CD200R1: variants seen among roughly 807,000 people sequenced by gnomAD.
The protein encoded by CD200R1 is CD200 receptor 1.
Under a neutral mutation model 38.1 loss-of-function variants are expected in CD200R1, and 30 were observed. The observed-to-expected ratio is 0.79, with a 90% CI of 0.59 to 1.07. The LOEUF (loss-of-function observed/expected upper bound fraction) is 1.07. Among genes scored for constraint, CD200R1 ranks in the 50% least tolerant of loss-of-function variants. The pLI is 0.00. For missense variants in CD200R1, 372 were observed against 415.4 expected (o/e 0.90, Z 0.91); for synonymous variants, 128 against 152.1 (o/e 0.84, Z 1.16).
At chr3:112,939,244 T>C (rs1331755575) in intron 2 of CD200R1, among the ~76,000 whole-genome samples, 1 of 152,018 alleles carries the variant, frequency 6.6e-6, no homozygotes, top group Non-Finnish European at 1.5e-5. Context: ...TCACCCTTGT[T>C]ATTCAAGATA....
rs546780973 is a variant in CD200R1, at chr3:112,955,861, A to C, written c.68-7937T>G. 2.3e-4 allele frequency among the ~76,000 whole-genome samples: 35 copies of C among 151,764 alleles called. 1 individual carries two copies. In the South Asian group the frequency reaches 5.6e-3, roughly 24 times the overall value. On this transcript the variant is annotated intron_variant, in intron 1 of 7. Transcript: ENST00000308611. ...CTGGCCCATAAGGTTTCGGCTGAGAAGTCCACTTCTAGGTACATTTGAGCC... is the reference window on the plus strand; with the variant it reads ...CTGGCCCATAAGGTTTCGGCTGAGACGTCCACTTCTAGGTACATTTGAGCC...
chr3:112,969,976 A>G (rs1365230411), intron 1 of CD200R1, among the ~76,000 whole-genome samples: 2 of 152,106 alleles, frequency 1.3e-5, no homozygotes, highest in Non-Finnish European at 2.9e-5. Flanking sequence ...GTTCAAGACC[A>G]GCCTGGGCAA....
At chr3:112,940,414 T>G (rs915283769) in intron 2 of CD200R1, among the ~76,000 whole-genome samples, 4 of 151,832 alleles carry the variant, frequency 2.6e-5, no homozygotes, top group Non-Finnish European at 5.9e-5. Context: ...AAAATATTCA[T>G]CCAACAAAAG....
intron 2 of CD200R1, among the ~76,000 whole-genome samples, chr3:112,934,530 T>C (rs1306664668): frequency 6.6e-6 from 1 of 152,010 alleles, no homozygotes; most frequent in Non-Finnish European, 1.5e-5. Flanking sequence ...GCCAAGTGGA[T>C]TTAAAAATAT....
chr3:112,941,745 C>A (rs1017759465), intron 2 of CD200R1, among the ~76,000 whole-genome samples: 4 of 151,272 alleles, frequency 2.6e-5, no homozygotes, highest in Non-Finnish European at 4.4e-5. Context: ...GAACGCCAAG[C>A]AGAATAAATG....
At chr3:112,948,165 C>G (rs915389340) in intron 1 of CD200R1, among the ~76,000 whole-genome samples, 4 of 152,112 alleles carry the variant, frequency 2.6e-5, no homozygotes, top group African/African-American at 9.7e-5. Flanking sequence ...CCCATCACCC[C>G]CCTCTTGCTT....
Position 112,921,395 on chromosome 3 carries a change from T to C in CD200R1, c.*2282A>G, listed in dbSNP as rs950613896. 2.0e-5 allele frequency: 3 copies of C among 151,988 alleles called. No individual in the cohort carries two copies. The highest frequency in any genetic ancestry group is 2.1e-4 in the South Asian group (1 of 4,832). 9.4% of individuals were successfully genotyped at this position (151,988 alleles called of 1,614,324 possible). The stretch of plus-strand genomic sequence containing the variant: ...GTTTGTAAGTGAAGCATAACCCCAA[T>C]AGATATTTAGTTATGATGAATTACT... On this transcript the variant is annotated 3_prime_UTR_variant, in exon 8 of 8. Transcript: ENST00000308611.
At chr3:112,939,894 G>A (rs114489260) in intron 2 of CD200R1, among the ~76,000 whole-genome samples, 3,361 of 144,142 alleles carry the variant, frequency 0.023, 48 homozygotes, top group South Asian at 0.045. Context: ...AACAAGCTGC[G>A]GCATCACACT....
chr3:112,970,268 G>A (rs1933269905), intron 1 of CD200R1, among the ~76,000 whole-genome samples: 2 of 152,074 alleles, frequency 1.3e-5, no homozygotes, highest in African/African-American at 4.8e-5. Context: ...TCCTAGAATG[G>A]GGTCTAGGCA....
intron 2 of CD200R1, among the ~76,000 whole-genome samples, chr3:112,932,451 C>A (rs1940467772): frequency 1.3e-5 from 2 of 152,084 alleles, no homozygotes; most frequent in African/African-American, 2.4e-5. Context: ...GCTGACATAA[C>A]CCTAGGCCAG....
chr3:112,947,388 G>A (rs1456610647), intron 2 of CD200R1, among the ~76,000 whole-genome samples: 1 of 152,038 alleles, frequency 6.6e-6, no homozygotes, highest in Non-Finnish European at 1.5e-5. Flanking sequence ...TGGGGGCAGA[G>A]GTCATAGGGG....
intron 1 of CD200R1, among the ~76,000 whole-genome samples, chr3:112,973,878 C>A (rs1933369172): frequency 6.6e-6 from 1 of 152,154 alleles, no homozygotes; most frequent in African/African-American, 2.4e-5. Context: ...AGGACACCCC[C>A]ACAGTGGCCC....
intron 2 of CD200R1, among the ~76,000 whole-genome samples, chr3:112,940,921 T>A (rs184282350): frequency 2.6e-5 from 4 of 151,686 alleles, no homozygotes; most frequent in Admixed American, 1.3e-4. Flanking sequence ...CAATAACAAA[T>A]GAATGGATAA....
chr3:112,956,494 G>A (rs1030601564), intron 1 of CD200R1, among the ~76,000 whole-genome samples: 3 of 151,970 alleles, frequency 2.0e-5, no homozygotes, highest in Admixed American at 2.0e-4. Context: ...CTCTCTGTCA[G>A]GCTATTCATA....
chr3:112,936,454 C>T (rs1288484719), intron 2 of CD200R1, among the ~76,000 whole-genome samples: 2 of 152,146 alleles, frequency 1.3e-5, no homozygotes, highest in Admixed American at 6.6e-5. Flanking sequence ...TCCATAACCT[C>T]GCTAGCATCT....
At chr3:112,928,731 A>C in intron 5 of CD200R1, 85 bp downstream of exon 5, 1 of 1,119,418 alleles carries the variant, frequency 8.9e-7, no homozygotes, top group Non-Finnish European at 1.3e-6. Context: ...ATCCTCGAAC[A>C]AAATATATTT....
chr3:112,969,865 T>C (rs1312666554), intron 1 of CD200R1, among the ~76,000 whole-genome samples: 1 of 151,988 alleles, frequency 6.6e-6, no homozygotes, highest in East Asian at 1.9e-4. Flanking sequence ...TTGAAGAAAA[T>C]TATTTCTTCA....
intron 5 of CD200R1, among the ~76,000 whole-genome samples, chr3:112,927,463 C>T (rs1940306210): frequency 6.6e-6 from 1 of 152,154 alleles, no homozygotes; most frequent in Non-Finnish European, 1.5e-5. Context: ...CAACCATTAA[C>T]TAGTTGAGCT....
At chr3:112,937,365 G>A (rs932385035) in intron 2 of CD200R1, among the ~76,000 whole-genome samples, 1 of 152,036 alleles carries the variant, frequency 6.6e-6, no homozygotes, top group Non-Finnish European at 1.5e-5. Context: ...TGGGGACACA[G>A]CCAAACCATA....
Sources: gnomAD v4.1 joint callset for allele counts (sites outside exome capture counted in the v4.1 genomes callset) on GRCh38, gnomAD v4.1.1 for gene constraint, MANE v1.5 for transcripts, NCBI Gene and HGNC (gene_info 2026-07-23, HGNC 2026-07-21) for gene names.